Variants in RALGPS1 observed in about 807,000 individuals in gnomAD.
RALGPS1 encodes the protein ras-specific guanine nucleotide-releasing factor RalGPS1.
A neutral mutation model predicts 78.8 loss-of-function variants in RALGPS1; 19 were observed. The observed-to-expected ratio is 0.24, with a 90% CI of 0.17 to 0.35. The LOEUF (loss-of-function observed/expected upper bound fraction) is 0.35. Among genes scored for constraint, RALGPS1 ranks in the 10% least tolerant of loss-of-function variants. The pLI is 1.00. For synonymous variants in RALGPS1, 228 were observed against 256.3 expected, an observed-to-expected ratio of 0.89 and a Z score of 1.06; for missense variants, 454 against 688.3, an observed-to-expected ratio of 0.66 and a Z score of 3.81.
At position 127,021,313 on chromosome 9, in the gene RALGPS1, C is replaced by G. The variant is rs138962249; in HGVS notation, c.217-13118C>G. On this transcript the variant is annotated intron_variant, in intron 4 of 18. Transcript: ENST00000259351. ...GGTCAAGAGTTTGAGACCAGCCTGG[C>G]CAACATGGTGAAACCCCGTCTCTAC... is the stretch of plus-strand genomic sequence containing the variant. 6.0e-3 allele frequency among the ~76,000 whole-genome samples: 906 copies of G among 152,080 alleles called. 2 individuals are homozygous for G. Among genetic ancestry groups the G allele is most frequent in the South Asian group, 9.8e-3 (47 of 4,808 alleles).
chr9:127,204,131 A>G (rs1218184103), intron 14 of RALGPS1, among the ~76,000 whole-genome samples: 1 of 152,032 alleles, frequency 6.6e-6, no homozygotes, highest in African/African-American at 2.4e-5. Context: ...GATCTAACAC[A>G]TAGGTGGAGC....
intron 14 of RALGPS1, among the ~76,000 whole-genome samples, chr9:127,199,970 C>CATAT (rs2061545196): frequency 6.6e-6 from 1 of 152,120 alleles, no homozygotes; most frequent in African/African-American, 2.4e-5. Flanking sequence ...CCCATGCACA[C>CATAT]ACTGTACACT....
chr9:126,915,676 G>T (rs1185768728), intron 1 of RALGPS1, among the ~76,000 whole-genome samples: 1 of 151,790 alleles, frequency 6.6e-6, no homozygotes, highest in Non-Finnish European at 1.5e-5. Flanking sequence ...CTGGTTACTG[G>T]CCGGTTGCCT....
chr9:126,948,047 A>G (rs1019885602), intron 1 of RALGPS1, among the ~76,000 whole-genome samples: 4 of 152,160 alleles, frequency 2.6e-5, no homozygotes, highest in African/African-American at 7.2e-5. Flanking sequence ...ATATCCACAC[A>G]TATCAGAGTA....
At chr9:127,074,119 T>C (rs957212953) in intron 8 of RALGPS1, among the ~76,000 whole-genome samples, 5 of 152,104 alleles carry the variant, frequency 3.3e-5, no homozygotes, top group African/African-American at 1.2e-4. Context: ...TGACCTCAGG[T>C]GATCTGCCTG....
In RALGPS1 at chr9:127,069,366, T is replaced by C. The variant is rs767651973; in HGVS notation, c.610+10T>C. On this transcript the variant is annotated intron_variant, in intron 8 of 18. Coordinates refer to ENST00000259351, the MANE Select transcript of RALGPS1 (RefSeq NM_014636.3). ...AGTATTCCCTATCTAGGTAGGAGTTTGAATTGGCTTATTTTTTTTTAAGAA... is the reference window on the plus strand; with the variant it reads ...AGTATTCCCTATCTAGGTAGGAGTTCGAATTGGCTTATTTTTTTTTAAGAA... 2 of 1,612,296 alleles carry C rather than the reference T, an allele frequency of 1.2e-6. No individual in the cohort carries two copies. The highest frequency in any genetic ancestry group is 1.7e-6 in the Non-Finnish European group (2 of 1,179,340).
chr9:127,077,082 G>A (rs1364874466), intron 8 of RALGPS1, among the ~76,000 whole-genome samples: 1 of 152,170 alleles, frequency 6.6e-6, no homozygotes, highest in East Asian at 1.9e-4. Flanking sequence ...AGGAGGGAGT[G>A]GGGAGCCCAG....
At chr9:127,138,252 A>C (rs1359930961) in intron 8 of RALGPS1, among the ~76,000 whole-genome samples, 1 of 152,238 alleles carries the variant, frequency 6.6e-6, no homozygotes, top group Admixed American at 6.5e-5. Context: ...TTCCAACCCC[A>C]TCGTTTATCA....
rs1478838035 is a variant in RALGPS1 at position 127,183,756 on chromosome 9, G to A, written c.910+8974G>A. 1.2e-5 allele frequency: 11 copies of A among 903,990 alleles called. No homozygotes were observed. The highest frequency in any genetic ancestry group is 5.5e-4 in the Middle Eastern group (2 of 3,618). 56.0% of individuals were successfully genotyped at this position (903,990 alleles called of 1,614,324 possible). On this transcript the variant is annotated intron_variant, in intron 11 of 18. Transcript: ENST00000259351. This position sits in a 1 kb window ranked among gnomAD's most constrained non-coding sequence, Gnocchi z 4.0. ...CTCTGGAAACATACTCTCTCTGCCC[G>A]TTTATATTTTCGGAATGGATGGGTG...
chr9:127,024,882 T>C (rs1182351972), intron 4 of RALGPS1, among the ~76,000 whole-genome samples: 1 of 152,196 alleles, frequency 6.6e-6, no homozygotes, highest in East Asian at 1.9e-4. Flanking sequence ...TTTGCAATGC[T>C]CTATGGTTGG....
intron 1 of RALGPS1, among the ~76,000 whole-genome samples, chr9:126,925,454 A>G (rs2035176894): frequency 6.6e-6 from 1 of 152,066 alleles, no homozygotes; most frequent in South Asian, 2.1e-4. Context: ...AGGCCTAGGC[A>G]GGAGAATCAC....
intron 4 of RALGPS1, among the ~76,000 whole-genome samples, chr9:126,992,788 G>A (rs181576505): frequency 6.6e-6 from 1 of 152,170 alleles, no homozygotes; most frequent in African/African-American, 2.4e-5. Flanking sequence ...TATATGTAGG[G>A]TTTTCTACAC....
intron 8 of RALGPS1, among the ~76,000 whole-genome samples, chr9:127,165,319 A>G (rs2059239693): frequency 6.6e-6 from 1 of 152,240 alleles, no homozygotes; most frequent in Non-Finnish European, 1.5e-5. Flanking sequence ...AGAGCTGTGT[A>G]GTGGCTGAAT....
intron 8 of RALGPS1, chr9:127,089,222 C>T: frequency 6.9e-7 from 1 of 1,458,070 alleles, no homozygotes; most frequent in African/African-American, 1.4e-5. Flanking sequence ...TCGGCAAAGC[C>T]CTCTCTGGGA....
chr9:127,195,045 C>T (rs2061279820), intron 11 of RALGPS1, 46 bp from the exon 12 acceptor site: 1 of 1,603,658 alleles, frequency 6.2e-7, no homozygotes, highest in Non-Finnish European at 8.5e-7. Context: ...AGCCCCTCAC[C>T]CTCCCATCAT....
intron 3 of RALGPS1, among the ~76,000 whole-genome samples, chr9:126,973,374 ATAGGTAGG>A (rs759730436): frequency 1.3e-5 from 2 of 152,040 alleles, no homozygotes; most frequent in Admixed American, 6.6e-5. Flanking sequence ...TCTCTCTAAA[ATAGGTAGG>A]TAGGTAGGTA....
At chr9:126,917,968 T>C (rs536556064) in intron 1 of RALGPS1, among the ~76,000 whole-genome samples, 27 of 152,326 alleles carry the variant, frequency 1.8e-4, no homozygotes, top group African/African-American at 6.5e-4. Flanking sequence ...ACCTCTTGTT[T>C]AGTTCTTCTT....
At position 126,992,686 on chromosome 9, in the gene RALGPS1, G is replaced by C. The variant is rs114878252; in HGVS notation, c.216+14941G>C. Among the ~76,000 whole-genome samples the C allele has an allele frequency of 7.5e-3, 1,145 of 152,318 alleles. 14 individuals are homozygous for C. Among genetic ancestry groups the C allele is most frequent in the African/African-American group, 0.026 (1,091 of 41,578 alleles). ...CCATGTATTAAGGACTCATAACACA[G>C]TATATCACCTCATGTATGTAGGTCT... On this transcript the variant is annotated intron_variant, in intron 4 of 18. Transcript: ENST00000259351.
At chr9:126,987,277 G>C (rs1415255126) in intron 4 of RALGPS1, among the ~76,000 whole-genome samples, 1 of 152,072 alleles carries the variant, frequency 6.6e-6, no homozygotes, top group Non-Finnish European at 1.5e-5. Context: ...ACTCAATCTT[G>C]GGGTTGTGAC....
Sources: allele counts gnomAD v4.1 joint callset (sites outside exome capture counted in the v4.1 genomes callset), GRCh38; gene constraint gnomAD v4.1.1; non-coding constraint Gnocchi (gnomAD v3.1); transcripts MANE v1.5; gene names NCBI Gene and HGNC (gene_info 2026-07-23, HGNC 2026-07-21).